The following SKOR2 variants were observed in gnomAD, a reference collection of about 807,000 sequenced individuals.
SKOR2 encodes the protein LBX1 corepressor 1-like protein.
SKOR2 carries 47 observed loss-of-function variants against 69.1 expected under a neutral mutation model. That is an observed-to-expected ratio of 0.68 (90% CI 0.54 to 0.87). The LOEUF is 0.87. SKOR2 is among the 40% of genes least tolerant of loss of function. SKOR2 has a pLI of 0.00. For missense variants in SKOR2, 1,404 were observed against 1,472.2 expected, an observed-to-expected ratio of 0.95 and a Z score of 0.76; for synonymous variants, 717 against 672.6, an observed-to-expected ratio of 1.07 and a Z score of -1.02.
At chr18:47,231,689 C>G (rs139596789) in intron 4 of SKOR2, among the ~76,000 whole-genome samples, 2,776 of 151,886 alleles carry the variant, frequency 0.018, 78 homozygotes, top group African/African-American at 0.064. Flanking sequence ...ATGAAAAATA[C>G]AAAATTAGCT....
At position 47,246,704 on chromosome 18, in the gene SKOR2, C is replaced by A; in HGVS notation, c.2480G>T (p.Gly827Val). ...CGGGGGCAGGTCCGAGCCGGGGTCC[C>A]CGAGTTTCCCGTCTTCCTGCAGCAG... ...SRLLQEDGKL[G>V]DPGSDLPPPP... is the part of the protein sequence containing the mutation. The change falls in exon 2 of 9, where the codon GGG becomes GTG. Residue 827 changes from glycine to valine, a missense_variant. Physicochemically the swap from Gly to Val is moderately radical, Grantham distance 109 (BLOSUM62 -3). This residue lies in a region of SKOR2 where 1,266 missense variants were observed against 1,309.9 expected (regional missense o/e 0.97). Transcript: ENST00000425639. 2.1e-6 allele frequency: 3 copies of A among 1,453,766 alleles called. No homozygotes were observed. The highest frequency in any genetic ancestry group is 2.7e-6 in the Non-Finnish European group (3 of 1,117,036). The allele number at this position is 1,453,766 out of a possible 1,614,324, so 90.1% of individuals were successfully genotyped here.
intron 4 of SKOR2, among the ~76,000 whole-genome samples, chr18:47,242,025 C>G (rs1213467966): frequency 6.6e-6 from 1 of 152,200 alleles, no homozygotes; most frequent in Non-Finnish European, 1.5e-5. Flanking sequence ...CCGATCCTGA[C>G]TGTACTTTTA....
chr18:47,249,988 G>A (rs1394919175), intron 1 of SKOR2, among the ~76,000 whole-genome samples: 1 of 152,198 alleles, frequency 6.6e-6, no homozygotes, highest in Admixed American at 6.5e-5. Flanking sequence ...ACATGAAGTT[G>A]AAGATGGTAG....
chr18:47,231,139 T>A (rs1216146378), intron 4 of SKOR2, 139 bp from the exon 5 acceptor site: 9 of 1,536,038 alleles, frequency 5.9e-6, no homozygotes, highest in Admixed American at 2.0e-5. Flanking sequence ...CCAAATGTTG[T>A]CCTCATTTAT....
intron 6 of SKOR2, among the ~76,000 whole-genome samples, chr18:47,228,031 C>T (rs1226056586): frequency 3.3e-5 from 5 of 152,196 alleles, no homozygotes; most frequent in Non-Finnish European, 5.9e-5. Flanking sequence ...AAAACTCTCA[C>T]GAGAATTCCT....
In SKOR2 at chr18:47,248,147, C is replaced by T; in HGVS notation, c.1037G>A (p.Gly346Glu). Reference protein sequence around the residue: ...LSVAAASGGAGTGGGGAGGGC... With the variant: ...LSVAAASGGAETGGGGAGGGC... ...ACCCCCAGCGCCGCCCCCACCAGTC[C>T]CCGCGCCGCCCGAAGCAGCAGCCAC... The change falls in exon 2 of 9, where the codon GGG becomes GAG. Residue 346 changes from glycine to glutamate, a missense_variant. Physicochemically the swap from Gly to Glu is moderately conservative, Grantham distance 98 (BLOSUM62 -2). Transcript: ENST00000425639. The surrounding 1 kb of genome is among the most constrained non-coding windows in gnomAD (Gnocchi z 6.4). The T allele has an allele frequency of 2.4e-6, 3 of 1,260,498 alleles. No individual in the cohort carries two copies. The highest frequency in any genetic ancestry group is 3.0e-6 in the Non-Finnish European group (3 of 1,010,082). 78.1% of individuals were successfully genotyped at this position (1,260,498 alleles called of 1,614,324 possible). A position where few individuals can be genotyped will look rare whatever the true frequency, so the allele number is the denominator to read the frequency against.
intron 4 of SKOR2, among the ~76,000 whole-genome samples, chr18:47,239,936 T>G (rs1337701156): frequency 1.3e-5 from 2 of 152,038 alleles, no homozygotes; most frequent in African/African-American, 4.8e-5. Flanking sequence ...AACTCAGATC[T>G]ACTAGTCTAT....
intron 6 of SKOR2, among the ~76,000 whole-genome samples, chr18:47,229,157 C>A (rs1316867409): frequency 6.6e-6 from 1 of 152,070 alleles, no homozygotes; most frequent in Non-Finnish European, 1.5e-5. Context: ...ATTTAGGAAG[C>A]CCTAATGAAT....
At chr18:47,235,904 A>C (rs1395099859) in intron 4 of SKOR2, among the ~76,000 whole-genome samples, 1 of 151,822 alleles carries the variant, frequency 6.6e-6, no homozygotes, top group East Asian at 1.9e-4. Flanking sequence ...ATGGCTCCCT[A>C]TGGTCTCCAT....
At chr18:47,231,200 A>C (rs750139655) in intron 4 of SKOR2, 200 bp from the exon 5 acceptor site, 21 of 1,534,984 alleles carry the variant, frequency 1.4e-5, no homozygotes, top group Non-Finnish European at 1.7e-5. Context: ...AAAGGAGGGC[A>C]GAGCCTGCCT....
In SKOR2 at chr18:47,247,555, G is replaced by T; in HGVS notation, c.1629C>A (p.Gly543=). 2 of 1,230,882 alleles carry T rather than the reference G, an allele frequency of 1.6e-6. No individual in the cohort carries two copies. The highest frequency in any genetic ancestry group is 1.0e-6 in the Non-Finnish European group (1 of 987,596). The allele number at this position is 1,230,882 out of a possible 1,614,324, so 76.2% of individuals were successfully genotyped here. The part of the protein sequence containing the change: ...PQVVANGPGS[G]PPPPAGGAGS... The stretch of plus-strand genomic sequence containing the variant: ...CGGCGCCCCCGGCAGGAGGAGGTGG[G>T]CCGGAGCCCGGGCCGTTGGCCACTA... The change falls in exon 2 of 9, where the codon GGC becomes GGA. Residue 543 remains glycine, a synonymous_variant. Coordinates refer to ENST00000425639, the MANE Select transcript of SKOR2 (RefSeq NM_001278063.4). The surrounding 1 kb of genome is among the most constrained non-coding windows in gnomAD (Gnocchi z 6.6).
rs398041372 is a variant in SKOR2, at chr18:47,237,699, CTT to C, written c.2753-6701_2753-6700del. 2.3e-3 allele frequency among the ~76,000 whole-genome samples: 305 copies of C among 134,508 alleles called. 1 individual carries two copies. Among genetic ancestry groups the C allele is most frequent in the Admixed American group, 3.1e-3 (41 of 13,412 alleles). 88.2% of individuals were successfully genotyped at this position (134,508 alleles called of 152,430 possible). ...CTCCCCACCATTTTCTTTTCTTTTT[CTT>C]TTTTTTTTTTTTTTGAGACAGGGTC... On this transcript the variant is annotated intron_variant, in intron 4 of 8. Transcript: ENST00000425639.
chr18:47,234,844 G>C (rs2064214844), intron 4 of SKOR2, among the ~76,000 whole-genome samples: 1 of 115,884 alleles, frequency 8.6e-6, no homozygotes, highest in Non-Finnish European at 1.7e-5. Flanking sequence ...CTGGGTGACA[G>C]AGCAAAACTC....
chr18:47,232,284 G>A (rs577094630), intron 4 of SKOR2, among the ~76,000 whole-genome samples: 1 of 152,208 alleles, frequency 6.6e-6, no homozygotes, highest in Non-Finnish European at 1.5e-5. Context: ...AAACTATATT[G>A]CGCATAAAGG....
rs2064268411 is a variant in SKOR2, at chr18:47,245,488, T to TTTTTTTTTTTTTTTTTTTTTC, written c.2677+9_2677+10insGAAAAAAAAAAAAAAAAAAAA. On this transcript the variant is annotated intron_variant, in intron 3 of 8. Coordinates refer to ENST00000425639, the MANE Select transcript of SKOR2 (RefSeq NM_001278063.4). ...GAAAAGTGGCAGCTGATTTTTTTTT[T>TTTTTTTTTTTTTTTTTTTTTC]TTTTTTTACCTGAAAAGCTGTTGTC... is the stretch of plus-strand genomic sequence containing the variant. 1 of 1,462,170 alleles carries TTTTTTTTTTTTTTTTTTTTTC rather than the reference T, an allele frequency of 6.8e-7. No individual in the cohort carries two copies. Among genetic ancestry groups the TTTTTTTTTTTTTTTTTTTTTC allele is most frequent in the African/African-American group, 1.5e-5 (1 of 66,480 alleles). 90.6% of individuals were successfully genotyped at this position (1,462,170 alleles called of 1,614,324 possible).
intron 4 of SKOR2, among the ~76,000 whole-genome samples, chr18:47,236,560 A>T (rs2064224551): frequency 6.6e-6 from 1 of 152,168 alleles, no homozygotes; most frequent in East Asian, 1.9e-4. Context: ...AGGGCAGACC[A>T]CTTATGAATG....
intron 7 of SKOR2, among the ~76,000 whole-genome samples, chr18:47,213,415 A>G (rs1278837956): frequency 6.8e-6 from 1 of 148,044 alleles, no homozygotes; most frequent in Non-Finnish European, 1.5e-5. Context: ...TATTATATAT[A>G]TATAATATTT....
chr18:47,246,394 A>G (rs2064273149), intron 2 of SKOR2, among the ~76,000 whole-genome samples, 177 bp downstream of exon 2: 1 of 152,152 alleles, frequency 6.6e-6, no homozygotes, highest in African/African-American at 2.4e-5. Flanking sequence ...GGGACCAGAA[A>G]CCACATTTTT....
intron 1 of SKOR2, 84 bp downstream of exon 1, chr18:47,251,290 A>T (rs1320533106): frequency 6.6e-6 from 1 of 152,098 alleles, no homozygotes; most frequent in Non-Finnish European, 1.5e-5. Context: ...CCTCAACCTA[A>T]CGCGGAAAAT....
Sources: allele counts gnomAD v4.1 joint callset (sites outside exome capture counted in the v4.1 genomes callset), GRCh38; gene constraint gnomAD v4.1.1; regional missense constraint gnomAD v4.1.1; non-coding constraint Gnocchi (gnomAD v3.1); transcripts MANE v1.5; gene names NCBI Gene and HGNC (gene_info 2026-07-23, HGNC 2026-07-21).